CRLF3: variants seen among roughly 807,000 people sequenced by gnomAD.
The protein encoded by CRLF3 is cytokine receptor-like factor 3.
Under a neutral mutation model 55.0 loss-of-function variants are expected in CRLF3, and 33 were observed. The observed-to-expected ratio is 0.60, with a 90% confidence interval of 0.46 to 0.80. The LOEUF (loss-of-function observed/expected upper bound fraction) is 0.80. Ranked by LOEUF, CRLF3 falls within the 30% of genes least tolerant of loss-of-function variation. CRLF3 has a pLI of 0.00. For missense variants in CRLF3, 494 were observed against 538.4 expected, an observed-to-expected ratio of 0.92 and a Z score of 0.82; for synonymous variants, 238 against 196.8, an observed-to-expected ratio of 1.21 and a Z score of -1.75.
At chr17:30,799,444 A>C (rs944564012) in intron 2 of CRLF3, among the ~76,000 whole-genome samples, 8 of 151,846 alleles carry the variant, frequency 5.3e-5, no homozygotes, top group African/African-American at 1.9e-4. Context: ...CTGCAACCTC[A>C]AACTCTGGGG....
intron 7 of CRLF3, 147 bp from the exon 8 acceptor site, chr17:30,784,590 T>C: frequency 1.5e-6 from 1 of 666,538 alleles, no homozygotes; most frequent in Non-Finnish European, 2.5e-6. Context: ...TTTAGAGTTC[T>C]GTCCAGGGTT....
chr17:30,784,145 GCTACGTTAGACC>G lies in CRLF3; in HGVS notation c.*30_*41del. The stretch of plus-strand genomic sequence containing the variant: ...TTACAACTACGCTGGGCTGAGGACA[GCTACGTTAGACC>G]CTGAAAACCAAAGCCAAGCACCCAA... On this transcript the variant is annotated 3_prime_UTR_variant, in exon 8 of 8. Coordinates refer to ENST00000324238, the MANE Select transcript of CRLF3 (RefSeq NM_015986.4). 6.3e-7 allele frequency: 1 copy of G among 1,577,966 alleles called. No homozygotes were observed. The highest frequency in any genetic ancestry group is 1.1e-5 in the South Asian group (1 of 87,196).
At chr17:30,791,607 TC>T (rs1971803496) in intron 6 of CRLF3, among the ~76,000 whole-genome samples, 1 of 150,808 alleles carries the variant, frequency 6.6e-6, no homozygotes, top group Admixed American at 6.6e-5. Flanking sequence ...AAGCTCCGCC[TC>T]CCGGGTTCAC....
intron 6 of CRLF3, among the ~76,000 whole-genome samples, chr17:30,787,258 G>T (rs1061343): frequency 6.6e-6 from 1 of 152,062 alleles, no homozygotes; most frequent in Non-Finnish European, 1.5e-5. Context: ...TGCTGCCAGC[G>T]CCTAAATCTT....
intron 1 of CRLF3, among the ~76,000 whole-genome samples, chr17:30,817,681 G>A (rs1380864303): frequency 1.3e-5 from 2 of 151,808 alleles, no homozygotes; most frequent in Non-Finnish European, 2.9e-5. Flanking sequence ...GCCGAGGAAG[G>A]TGGATCATGA....
rs368117589 is a variant in CRLF3 at position 30,796,234 on chromosome 17, C to G, written c.529G>C (p.Val177Leu). ...VKDHIFKHGTVASRPPVQIEE... is the reference protein window; with the variant it reads ...VKDHIFKHGTLASRPPVQIEE... The stretch of plus-strand genomic sequence containing the variant: ...ATCTGTACTGGTGGGCGAGATGCTA[C>G]TGTTCCATGCTTAAAAATGTGGTCT... The change falls in exon 4 of 8, where the codon GTA becomes CTA. Residue 177 changes from valine to leucine, a missense_variant. Coordinates refer to ENST00000324238, the MANE Select transcript of CRLF3 (RefSeq NM_015986.4). 4 of 1,614,062 alleles carry G rather than the reference C, an allele frequency of 2.5e-6. No individual in the cohort carries two copies. The highest frequency in any genetic ancestry group is 1.3e-5 in the African/African-American group (1 of 75,040).
chr17:30,807,760 G>T (rs1050966021), intron 1 of CRLF3, among the ~76,000 whole-genome samples: 4 of 151,954 alleles, frequency 2.6e-5, no homozygotes, highest in African/African-American at 9.7e-5. Flanking sequence ...CTGATCTCCG[G>T]TGATCCACCC....
At chr17:30,806,931 G>A (rs2069149143) in intron 1 of CRLF3, among the ~76,000 whole-genome samples, 1 of 151,978 alleles carries the variant, frequency 6.6e-6, no homozygotes, top group South Asian at 2.1e-4. Flanking sequence ...CACTGCACCT[G>A]GTCCAGATTT....
Position 30,784,198 on chromosome 17 carries a change from A to C in CRLF3, c.1318T>G (p.Leu440Val), listed in dbSNP as rs750904788. 1.2e-6 allele frequency: 2 copies of C among 1,613,610 alleles called. No homozygotes were observed. Among genetic ancestry groups the C allele is most frequent in the Non-Finnish European group, 1.7e-6 (2 of 1,179,872 alleles). The change falls in exon 8 of 8, where the codon TTA (leucine) becomes GTA (valine). Residue 440 changes from leucine (L) to valine (V), a missense_variant. Transcript: ENST00000324238. ...CSFFYPGWKVLVF is the reference protein window; with the variant it reads ...CSFFYPGWKVVVF ...AAGCACCCAAACATCTAAAACACTAACACTTTCCATCCAGGATAGAAAAAT... is the reference window on the plus strand; with the variant it reads ...AAGCACCCAAACATCTAAAACACTACCACTTTCCATCCAGGATAGAAAAAT...
At position 30,784,203 on chromosome 17, in the gene CRLF3, TTCCA is replaced by T; in HGVS notation, c.1309_1312del (p.Trp437LysfsTer3). 6.2e-7 allele frequency: 1 copy of T among 1,613,724 alleles called. No individual in the cohort carries two copies. The highest frequency in any genetic ancestry group is 8.5e-7 in the Non-Finnish European group (1 of 1,179,924). On this transcript the variant is annotated frameshift_variant, in exon 8 of 8. Transcript: ENST00000324238. LOFTEE classifies it high-confidence loss of function. ...CCCAAACATCTAAAACACTAACACTTTCCATCCAGGATAGAAAAATGAGCATCCA... is the reference window on the plus strand; with the variant it reads ...CCCAAACATCTAAAACACTAACACTTTCCAGGATAGAAAAATGAGCATCCA...
At chr17:30,789,505 C>A (rs548131872) in intron 6 of CRLF3, among the ~76,000 whole-genome samples, 1 of 152,258 alleles carries the variant, frequency 6.6e-6, no homozygotes, top group African/African-American at 2.4e-5. Flanking sequence ...CTGTAGACTT[C>A]AACACTAACT....
chr17:30,791,440 C>G (rs1360751002), intron 6 of CRLF3, among the ~76,000 whole-genome samples: 1 of 152,026 alleles, frequency 6.6e-6, no homozygotes, highest in African/African-American at 2.4e-5. Flanking sequence ...CTCCTGACCA[C>G]AAGTGATCCA....
chr17:30,786,186 T>C (rs968777598), intron 6 of CRLF3, 155 bp from the exon 7 acceptor site: 13 of 546,960 alleles, frequency 2.4e-5, no homozygotes, highest in African/African-American at 1.6e-4. Flanking sequence ...CTCCAGGCAC[T>C]GTTCTAATTA....
chr17:30,785,781 TAAAAAAAAAA>T (rs55664579), intron 7 of CRLF3, 128 bp downstream of exon 7: 1 of 426,004 alleles, frequency 2.3e-6, no homozygotes, highest in South Asian at 2.7e-5. Context: ...GACTTCATAA[TAAAAAAAAAA>T]AAAAAGAAAA....
intron 7 of CRLF3, 43 bp downstream of exon 7, chr17:30,785,876 A>G: frequency 9.8e-7 from 1 of 1,025,304 alleles, no homozygotes; most frequent in East Asian, 2.4e-5. Context: ...TTACTAAAAT[A>G]ATTAATATAT....
At chr17:30,806,272 AATAC>A (rs537934581) in intron 1 of CRLF3, among the ~76,000 whole-genome samples, 56 of 152,308 alleles carry the variant, frequency 3.7e-4, no homozygotes, top group African/African-American at 1.3e-3. Flanking sequence ...TTCCCCAAAA[AATAC>A]ATAATCTATA....
At position 30,793,522 on chromosome 17, in the gene CRLF3, G is replaced by A. The variant is rs1397514043; in HGVS notation, c.754C>T (p.Arg252Ter). 8 of 1,613,958 alleles carry A rather than the reference G, an allele frequency of 5.0e-6. No homozygotes were observed. Among genetic ancestry groups the A allele is most frequent in the African/African-American group, 2.7e-5 (2 of 74,896 alleles). The change falls in exon 5 of 8, where the codon CGA becomes TGA. Residue 252 changes from arginine to a stop codon, truncating the protein, a stop_gained. Transcript: ENST00000324238. LOFTEE classifies it high-confidence loss of function. ...CTCCACTCCTGTCGGCCATCTCCTCGGGCGCAGACTCTGAACTGGTAATCA... is the reference window on the plus strand; with the variant it reads ...CTCCACTCCTGTCGGCCATCTCCTCAGGCGCAGACTCTGAACTGGTAATCA... ...NVDYQFRVCA[R>*]GDGRQEWSPW...
At chr17:30,815,678 G>A (rs556545536) in intron 1 of CRLF3, among the ~76,000 whole-genome samples, 1 of 148,998 alleles carries the variant, frequency 6.7e-6, no homozygotes, top group South Asian at 2.1e-4. Flanking sequence ...TGAGCAGCTG[G>A]CATTACAGGC....
chr17:30,805,680 C>T (rs1369738414), intron 1 of CRLF3, among the ~76,000 whole-genome samples: 8 of 149,634 alleles, frequency 5.3e-5, no homozygotes, highest in African/African-American at 2.0e-4. Context: ...CGCCATTGCA[C>T]TCCAGCCTGG....
Sources: allele counts gnomAD v4.1 joint callset (sites outside exome capture counted in the v4.1 genomes callset), GRCh38; gene constraint gnomAD v4.1.1; transcripts MANE v1.5; gene names NCBI Gene and HGNC (gene_info 2026-07-23, HGNC 2026-07-21).